The following MAP7 variants were observed in gnomAD, a reference collection of about 807,000 sequenced individuals.
MAP7 encodes the protein ensconsin.
Under a neutral mutation model 94.8 loss-of-function variants are expected in MAP7, and 52 were observed. The observed-to-expected ratio is 0.55, with a 90% CI of 0.44 to 0.69. The LOEUF (loss-of-function observed/expected upper bound fraction) is 0.69, where lower values mean the gene tolerates loss of function less well. Ranked by LOEUF, MAP7 falls within the 30% of genes least tolerant of loss-of-function variation. The pLI is 0.00. For synonymous variants in MAP7, 350 were observed against 357.0 expected (o/e 0.98, Z 0.22); for missense variants, 940 against 964.6 (o/e 0.97, Z 0.34).
At chr6:136,444,201 C>A (rs1198479550) in intron 1 of MAP7, among the ~76,000 whole-genome samples, 2 of 152,140 alleles carry the variant, frequency 1.3e-5, no homozygotes, top group African/African-American at 4.8e-5. Context: ...GTCTATGAGC[C>A]TCCTTCATCA....
intron 2 of MAP7, among the ~76,000 whole-genome samples, chr6:136,414,052 A>G (rs1165858773): frequency 6.6e-6 from 1 of 151,616 alleles, no homozygotes; most frequent in Non-Finnish European, 1.5e-5. Context: ...GATCGAGACC[A>G]TCCTGGCTAA....
chr6:136,431,481 A>G (rs1304766982), intron 1 of MAP7, among the ~76,000 whole-genome samples: 2 of 145,762 alleles, frequency 1.4e-5, no homozygotes, highest in Admixed American at 1.4e-4. Context: ...ATAAATATCA[A>G]CTTTTTAATG....
In MAP7 at chr6:136,493,121, C is replaced by CTTTTTTT. The variant is rs397795796; in HGVS notation, c.67+57214_67+57220dup. 8.9e-4 allele frequency among the ~76,000 whole-genome samples: 110 copies of CTTTTTTT among 123,322 alleles called. 2 individuals are homozygous for CTTTTTTT. The highest frequency in any genetic ancestry group is 2.2e-3 in the African/African-American group (69 of 30,772). 80.9% of individuals were successfully genotyped at this position (123,322 alleles called of 152,430 possible). On this transcript the variant is annotated intron_variant, in intron 1 of 17. Coordinates refer to ENST00000354570, the MANE Select transcript of MAP7 (RefSeq NM_003980.6). ...TTTTTTTGTGCTCTTTTCTTCTTTC[C>CTTTTTTT]TTTTTTTTTTTTTTTTTTTGAGACG...
chr6:136,486,033 A>G (rs993220093), intron 1 of MAP7, among the ~76,000 whole-genome samples: 1 of 152,046 alleles, frequency 6.6e-6, no homozygotes, highest in Non-Finnish European at 1.5e-5. Context: ...AGAGTAATAA[A>G]CCATCACAGC....
chr6:136,450,708 C>T (rs546544305), intron 1 of MAP7, among the ~76,000 whole-genome samples: 41 of 151,808 alleles, frequency 2.7e-4, no homozygotes, highest in Middle Eastern at 6.8e-3. Flanking sequence ...TGCCTGAACC[C>T]GGGAGGCAGA....
At chr6:136,457,595 A>C (rs1383470133) in intron 1 of MAP7, among the ~76,000 whole-genome samples, 1 of 152,164 alleles carries the variant, frequency 6.6e-6, no homozygotes, top group Non-Finnish European at 1.5e-5. Context: ...ATTCAACAGT[A>C]TATTAAGGGA....
intron 1 of MAP7, among the ~76,000 whole-genome samples, chr6:136,533,703 G>T (rs1190771453): frequency 1.3e-5 from 2 of 152,176 alleles, no homozygotes; most frequent in African/African-American, 4.8e-5. Flanking sequence ...GGAAACAGGT[G>T]TGTCACATGG....
intron 1 of MAP7, among the ~76,000 whole-genome samples, chr6:136,546,369 C>T (rs1481925899): frequency 6.6e-6 from 1 of 150,456 alleles, no homozygotes; most frequent in East Asian, 2.0e-4. Context: ...CCACCCCCTA[C>T]CCCCACTACT....
At chr6:136,349,717 A>G (rs1788616398) in intron 16 of MAP7, among the ~76,000 whole-genome samples, 1 of 152,172 alleles carries the variant, frequency 6.6e-6, no homozygotes, top group South Asian at 2.1e-4. Context: ...CAGAATTGTG[A>G]TAACTCAAAC....
chr6:136,378,021 C>G (rs1776734747), intron 6 of MAP7, among the ~76,000 whole-genome samples, 153 bp from the exon 7 acceptor site: 2 of 152,174 alleles, frequency 1.3e-5, no homozygotes, highest in Admixed American at 6.5e-5. Context: ...CAACAGGACC[C>G]CTGTCCAGAG....
chr6:136,550,211 G>T lies in MAP7; in HGVS notation c.67+131C>A, dbSNP rs978623155. On this transcript the variant is annotated intron_variant, in intron 1 of 17. Coordinates refer to ENST00000354570, the MANE Select transcript of MAP7 (RefSeq NM_003980.6). The surrounding 1 kb of genome is among the most constrained non-coding windows in gnomAD (Gnocchi z 5.1). ...AGCAGGGTGCGCGGCGCGCAGGGCC[G>T]GTTGTTCCGGGCCGCGGCCGCGCGG... The T allele has an allele frequency of 4.4e-6, 3 of 681,214 alleles. No individual in the cohort carries two copies. Among genetic ancestry groups the T allele is most frequent in the Admixed American group, 4.9e-5 (1 of 20,484 alleles). 42.2% of individuals were successfully genotyped at this position (681,214 alleles called of 1,614,324 possible). A position where few individuals can be genotyped will look rare whatever the true frequency, so the allele number is the denominator to read the frequency against.
At chr6:136,505,277 G>GTTTATATATATATATATA (rs1465266004) in intron 1 of MAP7, among the ~76,000 whole-genome samples, 1 of 53,810 alleles carries the variant, frequency 1.9e-5, no homozygotes, top group African/African-American at 8.1e-5. Context: ...GTGTGTGTGT[G>GTTTATATATATATATATA]TATATATATA....
Position 136,360,743 on chromosome 6 carries a change from T to C in MAP7, c.1757A>G (p.Glu586Gly), listed in dbSNP as rs1582665946. ...TTGCTCTTCTCTCTGGAAATGCTTC[T>C]CTCGTTCCTGCCGGACCCTCTCTGC... ...EEAERVRQER[E>G]KHFQREEQER... is the part of the protein sequence containing the mutation. The change falls in exon 13 of 18, where the codon GAG becomes GGG. Residue 586 changes from glutamate (E) to glycine (G), a missense_variant. Coordinates refer to ENST00000354570, the MANE Select transcript of MAP7 (RefSeq NM_003980.6). 2 of 1,614,144 alleles carry C rather than the reference T, an allele frequency of 1.2e-6. No homozygotes were observed. The highest frequency in any genetic ancestry group is 1.7e-6 in the Non-Finnish European group (2 of 1,180,032).
At chr6:136,477,484 T>C (rs1273109007) in intron 1 of MAP7, among the ~76,000 whole-genome samples, 1 of 152,066 alleles carries the variant, frequency 6.6e-6, no homozygotes, top group Non-Finnish European at 1.5e-5. Flanking sequence ...GATTAGACAA[T>C]GGAAACCCCC....
chr6:136,488,922 T>G (rs757275844), intron 1 of MAP7, among the ~76,000 whole-genome samples: 8 of 152,146 alleles, frequency 5.3e-5, no homozygotes, highest in Non-Finnish European at 1.2e-4. Context: ...CAATTTCTGA[T>G]GTTTATTATT....
In MAP7 at chr6:136,344,253, A is replaced by T; in HGVS notation, c.2240-15T>A. Reference sequence around the variant, plus strand: ...TCATATAACTTCTACATGAAGAGACAGAAAAAGAACAAGATTAATATGACA... The same window carrying T: ...TCATATAACTTCTACATGAAGAGACTGAAAAAGAACAAGATTAATATGACA... On this transcript the variant is annotated splice_polypyrimidine_tract_variant and intron_variant, in intron 17 of 17. Coordinates refer to ENST00000354570, the MANE Select transcript of MAP7 (RefSeq NM_003980.6). 1 of 1,307,484 alleles carries T rather than the reference A, an allele frequency of 7.6e-7. No individual in the cohort carries two copies. The highest frequency in any genetic ancestry group is 1.0e-6 in the Non-Finnish European group (1 of 976,488). The allele number at this position is 1,307,484 out of a possible 1,614,324, so 81.0% of individuals were successfully genotyped here.
At chr6:136,437,424 T>TG (rs1042213255) in intron 1 of MAP7, among the ~76,000 whole-genome samples, 1 of 152,174 alleles carries the variant, frequency 6.6e-6, no homozygotes, top group African/African-American at 2.4e-5. Context: ...ATCACTGTGT[T>TG]GCATAATTCT....
intron 1 of MAP7, among the ~76,000 whole-genome samples, chr6:136,461,042 T>G (rs1805036616): frequency 6.6e-6 from 1 of 152,170 alleles, no homozygotes; most frequent in Non-Finnish European, 1.5e-5. Context: ...AATTAAGAAT[T>G]TCTCCATCTT....
chr6:136,406,198 T>G (rs1040619594), intron 3 of MAP7, among the ~76,000 whole-genome samples: 1 of 152,182 alleles, frequency 6.6e-6, no homozygotes, highest in Admixed American at 6.5e-5. Flanking sequence ...AAGACAGAAT[T>G]ACTCTTAATG....
Sources: gnomAD v4.1 joint callset for allele counts (sites outside exome capture counted in the v4.1 genomes callset) on GRCh38, gnomAD v4.1.1 for gene constraint, Gnocchi (gnomAD v3.1) non-coding constraint, MANE v1.5 for transcripts, NCBI Gene and HGNC (gene_info 2026-07-23, HGNC 2026-07-21) for gene names.